Variants in CUL3 observed in about 807,000 individuals in gnomAD.
CUL3 encodes the protein cullin-3.
In CUL3, 19 loss-of-function variants were observed where a neutral mutation model predicts 89.1. The observed-to-expected ratio is 0.21, with a 90% confidence interval of 0.15 to 0.31. CUL3 has a LOEUF of 0.31. CUL3 is among the 10% of genes least tolerant of loss of function. The pLI is 1.00. For missense variants in CUL3, 469 were observed against 942.3 expected, an observed-to-expected ratio of 0.50 and a Z score of 6.58; for synonymous variants, 351 against 308.4, an observed-to-expected ratio of 1.14 and a Z score of -1.45.
chr2:224,489,427 T>C (rs949480927), intron 13 of CUL3, among the ~76,000 whole-genome samples: 4 of 152,258 alleles, frequency 2.6e-5, no homozygotes, highest in African/African-American at 9.6e-5. Flanking sequence ...ACAAAATCAA[T>C]GTGCAGAAAT....
intron 8 of CUL3, among the ~76,000 whole-genome samples, chr2:224,505,263 G>C (rs1344492183): frequency 2.6e-5 from 4 of 151,650 alleles, no homozygotes; most frequent in African/African-American, 9.7e-5. Flanking sequence ...TCAGCCTCCT[G>C]AGTAGCTGGG....
intron 2 of CUL3, 129 bp from the exon 3 acceptor site, chr2:224,535,770 T>C: frequency 1.5e-6 from 1 of 662,320 alleles, no homozygotes; most frequent in Non-Finnish European, 2.7e-6. Context: ...TGTTATAGGC[T>C]AGTAGAAATA....
intron 8 of CUL3, 50 bp downstream of exon 8, chr2:224,505,906 T>A: frequency 8.2e-7 from 1 of 1,226,952 alleles, no homozygotes; most frequent in Non-Finnish European, 1.1e-6. Context: ...CATATAATTT[T>A]ATATCTTTAA....
chr2:224,487,569 T>C (rs933344769), intron 13 of CUL3, among the ~76,000 whole-genome samples: 7 of 150,814 alleles, frequency 4.6e-5, no homozygotes, highest in Non-Finnish European at 1.0e-4. Context: ...CCTAAATATA[T>C]ATGCACCCAA....
chr2:224,555,895 G>A (rs1694692620), intron 2 of CUL3, among the ~76,000 whole-genome samples: 1 of 152,108 alleles, frequency 6.6e-6, no homozygotes, highest in African/African-American at 2.4e-5. Context: ...GCCTCACACG[G>A]TTATCTAAAT....
chr2:224,544,560 C>T (rs1321238314), intron 2 of CUL3, among the ~76,000 whole-genome samples: 1 of 151,950 alleles, frequency 6.6e-6, no homozygotes, highest in Non-Finnish European at 1.5e-5. Context: ...TAAATTTCCA[C>T]TTAAAACATA....
At chr2:224,479,039 A>G (rs1401837066) in intron 14 of CUL3, 1 of 152,236 alleles carries the variant, frequency 6.6e-6, no homozygotes, top group Non-Finnish European at 1.5e-5. Flanking sequence ...GCAACTGTTA[A>G]GGGAAATACA....
At chr2:224,545,154 T>C (rs1395847133) in intron 2 of CUL3, among the ~76,000 whole-genome samples, 1 of 152,202 alleles carries the variant, frequency 6.6e-6, no homozygotes, top group East Asian at 1.9e-4. Flanking sequence ...AAGGCCAAGA[T>C]AATTAATTTT....
chr2:224,515,949 C>CAA (rs1693023522), intron 3 of CUL3, among the ~76,000 whole-genome samples: 1 of 152,146 alleles, frequency 6.6e-6, no homozygotes, highest in African/African-American at 2.4e-5. Flanking sequence ...CTTGGCCTCC[C>CAA]AAAGTGCTGG....
chr2:224,518,422 G>A (rs978326976), intron 3 of CUL3, among the ~76,000 whole-genome samples: 1 of 152,084 alleles, frequency 6.6e-6, no homozygotes, highest in Non-Finnish European at 1.5e-5. Context: ...CAAATAAGGT[G>A]GCTATAAACA....
chr2:224,560,842 T>C (rs1202512518), intron 1 of CUL3, among the ~76,000 whole-genome samples: 2 of 152,214 alleles, frequency 1.3e-5, no homozygotes, highest in Non-Finnish European at 2.9e-5. Context: ...GTCCTTACAA[T>C]GTTCTATAAG....
intron 13 of CUL3, among the ~76,000 whole-genome samples, chr2:224,489,967 C>G (rs1485682239): frequency 1.3e-5 from 2 of 152,150 alleles, no homozygotes; most frequent in African/African-American, 4.8e-5. Context: ...TGACAAAGGT[C>G]TAATATCCAG....
chr2:224,524,201 T>C (rs991312489), intron 3 of CUL3, among the ~76,000 whole-genome samples: 3 of 152,110 alleles, frequency 2.0e-5, no homozygotes, highest in African/African-American at 7.2e-5. Context: ...AGGAGCCCCA[T>C]ACCAGCCTTC....
At chr2:224,566,723 CCTTTGA>C (rs1695048476) in intron 1 of CUL3, among the ~76,000 whole-genome samples, 2 of 152,328 alleles carry the variant, frequency 1.3e-5, no homozygotes, top group Non-Finnish European at 2.9e-5. Flanking sequence ...CCTTCACCTT[CCTTTGA>C]CTTTGTCATA....
intron 1 of CUL3, among the ~76,000 whole-genome samples, chr2:224,568,303 C>T (rs533554508): frequency 6.6e-6 from 1 of 152,314 alleles, no homozygotes; most frequent in South Asian, 2.1e-4. Flanking sequence ...TCTATAACTA[C>T]TAGTGACAGT....
intron 1 of CUL3, among the ~76,000 whole-genome samples, chr2:224,578,025 G>C (rs1179702715): frequency 4.5e-4 from 69 of 152,136 alleles, no homozygotes; most frequent in Admixed American, 4.4e-3. Context: ...AATAGAGTTT[G>C]CTCAAATGAT....
At chr2:224,542,981 G>T (rs1694172922) in intron 2 of CUL3, among the ~76,000 whole-genome samples, 1 of 152,124 alleles carries the variant, frequency 6.6e-6, no homozygotes, top group African/African-American at 2.4e-5. Context: ...GACATAATGT[G>T]CACAGTTCTC....
chr2:224,488,438 C>A (rs1385955182), intron 13 of CUL3, among the ~76,000 whole-genome samples: 1 of 152,116 alleles, frequency 6.6e-6, no homozygotes, highest in Non-Finnish European at 1.5e-5. Flanking sequence ...GTGGATATCA[C>A]CACCGATCCC....
At chr2:224,562,405 A>G (rs564934090) in intron 1 of CUL3, among the ~76,000 whole-genome samples, 1 of 152,270 alleles carries the variant, frequency 6.6e-6, no homozygotes, top group South Asian at 2.1e-4. Context: ...TGGGAAGCCA[A>G]GGTGGACAGA....
Sources: allele counts gnomAD v4.1 joint callset (sites outside exome capture counted in the v4.1 genomes callset), GRCh38; gene constraint gnomAD v4.1.1; transcripts MANE v1.5; gene names NCBI Gene and HGNC (gene_info 2026-07-23, HGNC 2026-07-21).